The following DOCK5 variants were observed in gnomAD, a reference collection of about 807,000 sequenced individuals.
The protein encoded by DOCK5 is dedicator of cytokinesis protein 5.
In DOCK5, 142 loss-of-function variants were observed where a neutral mutation model predicts 251.8. The ratio of observed to expected loss-of-function variants is 0.56; its 90% confidence interval spans 0.49 to 0.65. The LOEUF (loss-of-function observed/expected upper bound fraction) is 0.65, where lower values mean the gene tolerates loss of function less well. DOCK5 is among the 30% of genes least tolerant of loss of function. The pLI is 0.00. For missense variants in DOCK5, 2,111 were observed against 2,312.3 expected (o/e 0.91, Z 1.79); for synonymous variants, 842 against 835.5 (o/e 1.01, Z -0.13).
At position 25,357,454 on chromosome 8, in the gene DOCK5, C is replaced by G. The variant is rs529248551; in HGVS notation, c.2851-1509C>G. ...AGTGCAGTGGCAGAATCTCGGCTCA[C>G]TGCGTCTCTGCCTCCCAGGTTCAAG... On this transcript the variant is annotated intron_variant, in intron 27 of 51. Coordinates refer to ENST00000276440, the MANE Select transcript of DOCK5 (RefSeq NM_024940.8). 5.5e-5 allele frequency among the ~76,000 whole-genome samples: 8 copies of G among 145,082 alleles called. No homozygotes were observed. The East Asian group carries it at 1.7e-3, about 31-fold the overall frequency.
intron 1 of DOCK5, among the ~76,000 whole-genome samples, chr8:25,199,545 G>A (rs985842970): frequency 1.3e-5 from 2 of 151,976 alleles, no homozygotes; most frequent in East Asian, 1.9e-4. Flanking sequence ...CACCACACCC[G>A]GCTAATTTTT....
chr8:25,234,160 A>G (rs1442709922), intron 1 of DOCK5, among the ~76,000 whole-genome samples: 1 of 152,226 alleles, frequency 6.6e-6, no homozygotes, highest in African/African-American at 2.4e-5. Context: ...TCTCAGTGAA[A>G]TGTGTTTGTC....
Position 25,188,576 on chromosome 8 carries a change from A to G in DOCK5, c.43+3625A>G, listed in dbSNP as rs539857756. Among the ~76,000 whole-genome samples the G allele has an allele frequency of 2.5e-3, 378 of 152,290 alleles. 1 individual carries two copies. The highest frequency in any genetic ancestry group is 4.5e-3 in the Non-Finnish European group (307 of 68,034). ...TGCCACTCTTGGCTGTTCCTGACAT[A>G]TCCTAGATGTTTCTACAGGGACTGA... On this transcript the variant is annotated intron_variant, in intron 1 of 51. Transcript: ENST00000276440.
intron 1 of DOCK5, among the ~76,000 whole-genome samples, chr8:25,197,066 C>T (rs1392926967): frequency 2.0e-5 from 3 of 151,978 alleles, no homozygotes; most frequent in Non-Finnish European, 4.4e-5. Flanking sequence ...AAAGAAAAAT[C>T]GTTTTCCCCT....
At chr8:25,225,554 A>G (rs1802506788) in intron 1 of DOCK5, among the ~76,000 whole-genome samples, 1 of 152,028 alleles carries the variant, frequency 6.6e-6, no homozygotes, top group Non-Finnish European at 1.5e-5. Flanking sequence ...AAAATACACA[A>G]AATTAGCCGG....
Position 25,403,568 on chromosome 8 carries a change from T to C in DOCK5, c.4937T>C (p.Leu1646Ser). The C allele has an allele frequency of 1.2e-6, 2 of 1,613,804 alleles. No homozygotes were observed. Among genetic ancestry groups the C allele is most frequent in the African/African-American group, 1.3e-5 (1 of 75,006 alleles). ...GTCATATGTTTTCAGCCACCCAACT[T>C]GACGGAGAGGAAGCAAAGCCGCACG... is the stretch of plus-strand genomic sequence containing the variant. Reference protein sequence around the residue: ...HYGVITLPPNLTERKQSRTGS... With the variant: ...HYGVITLPPNSTERKQSRTGS... Residue 1646 changes from leucine (L) to serine (S), a missense_variant, in exon 48 of 52, where the codon TTG (leucine) becomes TCG (serine). Physicochemically the swap from Leu to Ser is moderately radical, Grantham distance 145 (BLOSUM62 -2). This residue lies in a region of DOCK5 where 1,717 missense variants were observed against 1,892.4 expected (regional missense o/e 0.91). Transcript: ENST00000276440.
At chr8:25,406,330 G>A (rs957697518) in intron 48 of DOCK5, among the ~76,000 whole-genome samples, 1 of 152,126 alleles carries the variant, frequency 6.6e-6, no homozygotes, top group Admixed American at 6.6e-5. Flanking sequence ...TTTAATATAG[G>A]TGATGAGCAT....
intron 13 of DOCK5, among the ~76,000 whole-genome samples, chr8:25,316,526 A>C (rs1253298448): frequency 6.6e-6 from 1 of 152,096 alleles, no homozygotes; most frequent in Non-Finnish European, 1.5e-5. Flanking sequence ...AAGAGTGTCT[A>C]CCTCATCAGG....
chr8:25,301,165 GA>G (rs1317547976), intron 9 of DOCK5, among the ~76,000 whole-genome samples: 1 of 152,206 alleles, frequency 6.6e-6, no homozygotes, highest in African/African-American at 2.4e-5. Context: ...TTATGTATAG[GA>G]AAAAACAGCA....
intron 2 of DOCK5, among the ~76,000 whole-genome samples, chr8:25,259,882 C>A (rs1193214780): frequency 6.6e-6 from 1 of 152,222 alleles, no homozygotes; most frequent in Non-Finnish European, 1.5e-5. Context: ...TTTGTCTCAC[C>A]AAGAAGTACA....
At chr8:25,255,010 T>C (rs1190442355) in intron 2 of DOCK5, among the ~76,000 whole-genome samples, 2 of 152,100 alleles carry the variant, frequency 1.3e-5, no homozygotes, top group Admixed American at 1.3e-4. Context: ...GAGATACTAC[T>C]GTGCACCTAT....
chr8:25,392,258 C>T (rs966818715), intron 43 of DOCK5, among the ~76,000 whole-genome samples: 11 of 149,650 alleles, frequency 7.4e-5, no homozygotes, highest in Non-Finnish European at 1.3e-4. Context: ...GAGCTGAGGT[C>T]GCACCACTGC....
At chr8:25,400,309 G>A (rs1276981212) in intron 46 of DOCK5, among the ~76,000 whole-genome samples, 2 of 151,882 alleles carry the variant, frequency 1.3e-5, no homozygotes, top group Non-Finnish European at 2.9e-5. Flanking sequence ...GACCAGCCTG[G>A]CCAACATGGT....
At chr8:25,301,403 C>G (rs1804759218) in intron 9 of DOCK5, among the ~76,000 whole-genome samples, 1 of 152,134 alleles carries the variant, frequency 6.6e-6, no homozygotes, top group Admixed American at 6.5e-5. Flanking sequence ...AACTAAATTA[C>G]AGGGGCTGGA....
chr8:25,389,620 C>T (rs187697329), intron 41 of DOCK5, among the ~76,000 whole-genome samples: 148 of 152,292 alleles, frequency 9.7e-4, no homozygotes, highest in African/African-American at 3.2e-3. Flanking sequence ...GGAGCGCTTA[C>T]ACTTGAGCTG....
chr8:25,408,200 C>T (rs771147377), intron 49 of DOCK5, 46 bp downstream of exon 49: 1 of 1,529,454 alleles, frequency 6.5e-7, no homozygotes, highest in African/African-American at 1.4e-5. Context: ...GGCTTGCCCC[C>T]CTCTCCCCTG....
intron 1 of DOCK5, among the ~76,000 whole-genome samples, chr8:25,238,319 G>A (rs561785080): frequency 2.6e-5 from 4 of 152,228 alleles, no homozygotes; most frequent in Non-Finnish European, 2.9e-5. Flanking sequence ...CTCAGCTTCC[G>A]CATTAAATAA....
At chr8:25,287,260 C>T (rs1804360410) in intron 5 of DOCK5, among the ~76,000 whole-genome samples, 1 of 152,138 alleles carries the variant, frequency 6.6e-6, no homozygotes, top group Non-Finnish European at 1.5e-5. Flanking sequence ...AACACTGTCT[C>T]TACTAAAAAT....
chr8:25,303,913 C>G (rs1804831306), intron 10 of DOCK5, among the ~76,000 whole-genome samples: 1 of 152,134 alleles, frequency 6.6e-6, no homozygotes, highest in East Asian at 1.9e-4. Flanking sequence ...TTGCAATGAG[C>G]CAAGATTGTG....
Sources: gnomAD v4.1 joint callset for allele counts (sites outside exome capture counted in the v4.1 genomes callset) on GRCh38, gnomAD v4.1.1 for gene constraint, gnomAD v4.1.1 regional missense constraint, MANE v1.5 for transcripts, NCBI Gene and HGNC (gene_info 2026-07-23, HGNC 2026-07-21) for gene names.